Variants in CHSY3 observed in about 807,000 individuals in gnomAD.
CHSY3 encodes the protein chondroitin sulfate synthase 3.
A neutral mutation model predicts 67.2 loss-of-function variants in CHSY3; 35 were observed. That is an observed-to-expected ratio of 0.52 (90% CI 0.40 to 0.69). The LOEUF (loss-of-function observed/expected upper bound fraction) is 0.69, where lower values mean the gene tolerates loss of function less well. Among genes scored for constraint, CHSY3 ranks in the 30% least tolerant of loss-of-function variants. CHSY3 has a pLI of 0.00. For synonymous variants in CHSY3, 474 were observed against 434.7 expected, an observed-to-expected ratio of 1.09 and a Z score of -1.12; for missense variants, 1,069 against 1,138.5, an observed-to-expected ratio of 0.94 and a Z score of 0.88.
At chr5:129,926,773 G>C (rs141673816) in intron 2 of CHSY3, among the ~76,000 whole-genome samples, 1 of 151,600 alleles carries the variant, frequency 6.6e-6, no homozygotes, top group East Asian at 1.9e-4. Context: ...AGTTTTGTTT[G>C]TGTTTTTTCC....
intron 2 of CHSY3, among the ~76,000 whole-genome samples, chr5:130,175,965 C>G (rs567543204): frequency 2.0e-5 from 3 of 152,156 alleles, no homozygotes; most frequent in African/African-American, 7.2e-5. Flanking sequence ...AATTAAACAC[C>G]AAAAGCAATG....
intron 2 of CHSY3, among the ~76,000 whole-genome samples, chr5:129,922,633 C>A (rs116802606): frequency 1.3e-5 from 2 of 151,438 alleles, no homozygotes; most frequent in Admixed American, 6.6e-5. Flanking sequence ...ATTTATATGT[C>A]TTTTCAAAAA....
chr5:129,961,886 A>C (rs1762334586), intron 2 of CHSY3, among the ~76,000 whole-genome samples: 2 of 151,824 alleles, frequency 1.3e-5, no homozygotes, highest in Non-Finnish European at 1.5e-5. Flanking sequence ...TACTCACCTC[A>C]TTTTCTACAG....
intron 2 of CHSY3, among the ~76,000 whole-genome samples, chr5:130,156,616 G>C (rs746982066): frequency 5.3e-5 from 8 of 152,150 alleles, no homozygotes; most frequent in Non-Finnish European, 8.8e-5. Flanking sequence ...TGCTCTCTGA[G>C]CATCAACACC....
chr5:129,905,057 GC>G lies in CHSY3; in HGVS notation c.234del (p.Ala79ArgfsTer99). The G allele has an allele frequency of 1.9e-6, 3 of 1,546,358 alleles. No individual in the cohort carries two copies. The highest frequency in any genetic ancestry group is 3.7e-5 in the Admixed American group (2 of 53,656). On this transcript the variant is annotated frameshift_variant, in exon 1 of 3. Coordinates refer to ENST00000305031, the MANE Select transcript of CHSY3 (RefSeq NM_175856.5). LOFTEE classifies it high-confidence loss of function. ...CCCGACCACGGCAGGAGCAGTCGCC[GC>G]CCCCCGCGCGCCAGGATCTCCAGGG... ...QSRPRQEQSP[P>X]PARQDLQGPP...
chr5:130,167,319 C>T (rs962850773), intron 2 of CHSY3, among the ~76,000 whole-genome samples: 1 of 151,950 alleles, frequency 6.6e-6, no homozygotes, highest in African/African-American at 2.4e-5. Flanking sequence ...TCTACCCTCC[C>T]ACAGAGACTA....
intron 2 of CHSY3, among the ~76,000 whole-genome samples, chr5:130,018,043 C>A (rs979489512): frequency 6.6e-6 from 1 of 152,108 alleles, no homozygotes; most frequent in Non-Finnish European, 1.5e-5. Flanking sequence ...TGAAGAGAAT[C>A]AAAGTAGGTT....
At chr5:130,178,258 T>TTA (rs1770137299) in intron 2 of CHSY3, among the ~76,000 whole-genome samples, 1 of 122,300 alleles carries the variant, frequency 8.2e-6, no homozygotes, top group Non-Finnish European at 1.7e-5. Flanking sequence ...TATATATTTT[T>TTA]TTTTTTTTTT....
chr5:130,143,810 G>GTATATATA (rs61284287), intron 2 of CHSY3, among the ~76,000 whole-genome samples: 4,330 of 56,220 alleles, frequency 0.077, 349 homozygotes, highest in Non-Finnish European at 0.089. Context: ...ATATATGTGT[G>GTATATATA]TATATATATA....
At chr5:130,128,229 G>GGTGT (rs112570550) in intron 2 of CHSY3, among the ~76,000 whole-genome samples, 48,316 of 147,306 alleles carry the variant, frequency 0.33, 8,168 homozygotes, top group Admixed American at 0.41. Flanking sequence ...AAGAAAATGT[G>GGTGT]GTGTGTGTGT....
chr5:129,948,280 A>G (rs1184338078), intron 2 of CHSY3, among the ~76,000 whole-genome samples: 1 of 152,188 alleles, frequency 6.6e-6, no homozygotes, highest in African/African-American at 2.4e-5. Flanking sequence ...TGGTCCACTC[A>G]TCACCCAAGT....
At chr5:130,130,639 A>G (rs1768451934) in intron 2 of CHSY3, among the ~76,000 whole-genome samples, 1 of 152,150 alleles carries the variant, frequency 6.6e-6, no homozygotes, top group Non-Finnish European at 1.5e-5. Context: ...TCACTTGATC[A>G]TAGACATCAG....
intron 2 of CHSY3, among the ~76,000 whole-genome samples, chr5:130,049,345 G>T (rs900107243): frequency 6.6e-6 from 1 of 151,920 alleles, no homozygotes; most frequent in African/African-American, 2.4e-5. Context: ...CTTTATGTCA[G>T]CTGGGAACAT....
chr5:129,922,614 C>G (rs1388048417), intron 2 of CHSY3, among the ~76,000 whole-genome samples: 1 of 151,250 alleles, frequency 6.6e-6, no homozygotes, highest in Non-Finnish European at 1.5e-5. Flanking sequence ...TTTCATGTAT[C>G]TGTTAGCCAT....
intron 2 of CHSY3, among the ~76,000 whole-genome samples, chr5:129,989,262 CT>C (rs10632773): frequency 1.9e-4 from 26 of 138,270 alleles, no homozygotes; most frequent in South Asian, 2.3e-4. Flanking sequence ...CAAACTTGTT[CT>C]TTTTTTTTTT....
chr5:130,173,167 C>G (rs1769944238), intron 2 of CHSY3, among the ~76,000 whole-genome samples: 1 of 152,058 alleles, frequency 6.6e-6, no homozygotes, highest in African/African-American at 2.4e-5. Context: ...AAAATTACGT[C>G]TATAGCCTTT....
intron 2 of CHSY3, among the ~76,000 whole-genome samples, chr5:130,029,174 G>A (rs1764640695): frequency 6.6e-6 from 1 of 152,106 alleles, no homozygotes; most frequent in Non-Finnish European, 1.5e-5. Flanking sequence ...ATTTGCCGAG[G>A]TCTGGAGCCA....
intron 2 of CHSY3, among the ~76,000 whole-genome samples, chr5:130,183,414 G>A (rs867101929): frequency 3.3e-5 from 5 of 151,820 alleles, no homozygotes; most frequent in South Asian, 2.1e-4. Flanking sequence ...GAACTTACTC[G>A]GTAAAAATAG....
chr5:130,012,048 GCT>G (rs1764078503), intron 2 of CHSY3, among the ~76,000 whole-genome samples: 2 of 152,170 alleles, frequency 1.3e-5, no homozygotes, highest in Admixed American at 1.3e-4. Flanking sequence ...AAGTTTCAAT[GCT>G]CTTTGTACCA....
Sources: gnomAD v4.1 joint callset for allele counts (sites outside exome capture counted in the v4.1 genomes callset) on GRCh38, gnomAD v4.1.1 for gene constraint, MANE v1.5 for transcripts, NCBI Gene and HGNC (gene_info 2026-07-23, HGNC 2026-07-21) for gene names.